IRAK3: variants seen among roughly 807,000 people sequenced by gnomAD.
IRAK3 encodes the protein interleukin-1 receptor-associated kinase 3.
Under a neutral mutation model 56.6 loss-of-function variants are expected in IRAK3, and 57 were observed. The observed-to-expected ratio is 1.01, with a 90% confidence interval of 0.81 to 1.26. The LOEUF (loss-of-function observed/expected upper bound fraction) is 1.26, where lower values mean the gene tolerates loss of function less well. Ranked by LOEUF, IRAK3 falls within the 50% of genes most tolerant of loss-of-function variation. IRAK3 has a pLI of 0.00. For missense variants in IRAK3, 703 were observed against 719.0 expected (o/e 0.98, Z 0.25); for synonymous variants, 258 against 255.7 (o/e 1.01, Z -0.09).
intron 1 of IRAK3, among the ~76,000 whole-genome samples, chr12:66,199,854 T>A (rs2052490150): frequency 6.6e-6 from 1 of 152,228 alleles, no homozygotes; most frequent in Non-Finnish European, 1.5e-5. Flanking sequence ...CATATTTGGC[T>A]AATATTTTTG....
At chr12:66,195,010 A>G (rs1243231810) in intron 1 of IRAK3, among the ~76,000 whole-genome samples, 1 of 152,134 alleles carries the variant, frequency 6.6e-6, no homozygotes, top group Non-Finnish European at 1.5e-5. Context: ...TCCCTCTGGA[A>G]TGTCATCTTC....
rs569513083 is a variant in IRAK3, at chr12:66,251,017, T to A, written c.*2846T>A. The A allele has an allele frequency of 1.4e-4, 22 of 152,352 alleles. No individual in the cohort carries two copies. Among genetic ancestry groups the A allele is most frequent in the African/African-American group, 5.3e-4 (22 of 41,588 alleles). The allele number at this position is 152,352 out of a possible 1,614,324, so 9.4% of individuals were successfully genotyped here. On this transcript the variant is annotated 3_prime_UTR_variant, in exon 12 of 12. Transcript: ENST00000261233. ...ACCTTTCCATCACTGGTATGTTTTT[T>A]GAGAAAAGGATCCTTTCTTTTCATT...
chr12:66,222,342 A>G (rs1021887855), intron 6 of IRAK3, among the ~76,000 whole-genome samples: 1 of 149,956 alleles, frequency 6.7e-6, no homozygotes, highest in Non-Finnish European at 1.5e-5. Flanking sequence ...TATTTAATCA[A>G]TCTCCTTGGT....
Position 66,247,787 on chromosome 12 carries a change from A to C in IRAK3, c.1407A>C (p.Leu469=). ...AGTCCTTCAGGTGTCCTTCTCCTCT[A>C]TTCCTGGAGAATGTACCAAGTATTC... is the stretch of plus-strand genomic sequence containing the variant. ...SLKSFRCPSP[L]FLENVPSIPV... The change falls in exon 12 of 12, where the codon CTA becomes CTC. Residue 469 remains leucine, a synonymous_variant. Transcript: ENST00000261233. The C allele has an allele frequency of 6.2e-7, 1 of 1,614,150 alleles. No homozygotes were observed.
chr12:66,226,962 T>C, intron 7 of IRAK3, 125 bp downstream of exon 7: 1 of 709,992 alleles, frequency 1.4e-6, no homozygotes, highest in Admixed American at 2.0e-5. Flanking sequence ...AAGAATGGGT[T>C]TCCCAAGGAA....
intron 7 of IRAK3, among the ~76,000 whole-genome samples, chr12:66,227,321 A>G (rs1324251610): frequency 2.2e-4 from 34 of 152,162 alleles, no homozygotes; most frequent in Non-Finnish European, 5.9e-5. Flanking sequence ...GGCTGGGCGC[A>G]GTGGCTCACG....
intron 5 of IRAK3, 151 bp from the exon 6 acceptor site, chr12:66,217,020 G>A: frequency 1.4e-6 from 1 of 693,792 alleles, no homozygotes; most frequent in Non-Finnish European, 2.6e-6. Flanking sequence ...TTGAAAATCT[G>A]TTGAAAGCTA....
intron 2 of IRAK3, among the ~76,000 whole-genome samples, chr12:66,206,544 A>G (rs2052559845): frequency 6.6e-6 from 1 of 152,184 alleles, no homozygotes; most frequent in Non-Finnish European, 1.5e-5. Flanking sequence ...TCAGATATTA[A>G]ACAAATCTTG....
intron 6 of IRAK3, among the ~76,000 whole-genome samples, chr12:66,222,006 G>A (rs2052738964): frequency 6.6e-6 from 1 of 152,158 alleles, no homozygotes; most frequent in Non-Finnish European, 1.5e-5. Flanking sequence ...TCTAGCCTGG[G>A]CAACAGAGCA....
intron 6 of IRAK3, among the ~76,000 whole-genome samples, chr12:66,220,408 G>A (rs1250695922): frequency 6.7e-6 from 1 of 148,442 alleles, no homozygotes; most frequent in African/African-American, 2.5e-5. Context: ...CTATTCCATT[G>A]GTCAATGAGT....
At chr12:66,239,092 C>T (rs1336311633) in intron 8 of IRAK3, among the ~76,000 whole-genome samples, 1 of 152,124 alleles carries the variant, frequency 6.6e-6, no homozygotes, top group East Asian at 1.9e-4. Context: ...TGCATTTTAT[C>T]CTTAGCATTT....
chr12:66,235,217 T>C, intron 8 of IRAK3: 2 of 1,611,918 alleles, frequency 1.2e-6, no homozygotes, highest in Admixed American at 1.7e-5. Flanking sequence ...GACCAGAGAC[T>C]GCTGCTTGCG....
intron 8 of IRAK3, among the ~76,000 whole-genome samples, chr12:66,233,127 A>G (rs866946046): frequency 4.6e-5 from 7 of 152,292 alleles, no homozygotes; most frequent in Middle Eastern, 3.4e-3. Flanking sequence ...ATTCTACATC[A>G]TTAGTTTGAA....
At chr12:66,206,183 C>T (rs970223823) in intron 2 of IRAK3, among the ~76,000 whole-genome samples, 1 of 152,110 alleles carries the variant, frequency 6.6e-6, no homozygotes, top group Non-Finnish European at 1.5e-5. Context: ...CCATACAGCC[C>T]CCAGATTTCA....
rs573356220 is a variant in IRAK3, at chr12:66,218,586, C to T, written c.653+1351C>T. Among the ~76,000 whole-genome samples, 97 of 152,182 alleles carry T rather than the reference C, an allele frequency of 6.4e-4. 1 individual carries two copies. The highest frequency in any genetic ancestry group is 1.1e-3 in the Non-Finnish European group (76 of 67,988). On this transcript the variant is annotated intron_variant, in intron 6 of 11. Coordinates refer to ENST00000261233, the MANE Select transcript of IRAK3 (RefSeq NM_007199.3). ...GTATTTATTCTTACCTCTTAATTTT[C>T]GCCAATCTGATAGGTGAAAATAGTT...
chr12:66,242,289 C>T (rs2052978360), intron 8 of IRAK3, among the ~76,000 whole-genome samples: 1 of 152,146 alleles, frequency 6.6e-6, no homozygotes, highest in Non-Finnish European at 1.5e-5. Flanking sequence ...ATTCAAATGC[C>T]CCCAGGACTC....
In IRAK3 at chr12:66,226,756, A is replaced by G. The variant is rs371500108; in HGVS notation, c.687A>G (p.Ala229=). 3.1e-6 allele frequency: 5 copies of G among 1,610,436 alleles called. No homozygotes were observed. The African/African-American group carries it at 5.3e-5, about 17-fold the overall frequency. The change falls in exon 7 of 12, where the codon GCA becomes GCG. Residue 229 remains alanine, a synonymous_variant. Coordinates refer to ENST00000261233, the MANE Select transcript of IRAK3 (RefSeq NM_007199.3). ...FHHPNILELA[A]YFTETEKFCL... is the part of the protein sequence containing the mutation. Reference sequence around the variant, plus strand: ...ACCCAAACATACTAGAGTTGGCTGCATATTTTACAGAGACTGAGAAGTTCT... The same window carrying G: ...ACCCAAACATACTAGAGTTGGCTGCGTATTTTACAGAGACTGAGAAGTTCT...
chr12:66,231,795 A>T (rs1176862504), intron 8 of IRAK3, among the ~76,000 whole-genome samples: 1 of 152,234 alleles, frequency 6.6e-6, no homozygotes, highest in Non-Finnish European at 1.5e-5. Context: ...AGGTGAGACT[A>T]CAGAAGAATG....
rs558546279 is a variant in IRAK3 at position 66,253,382 on chromosome 12, G to A, written c.*5211G>A. 3.2e-4 allele frequency: 48 copies of A among 152,306 alleles called. No individual in the cohort carries two copies. The highest frequency in any genetic ancestry group is 1.2e-3 in the African/African-American group (48 of 41,558). The allele number at this position is 152,306 out of a possible 1,614,324, so 9.4% of individuals were successfully genotyped here. On this transcript the variant is annotated 3_prime_UTR_variant, in exon 12 of 12. Transcript: ENST00000261233. Reference sequence around the variant, plus strand: ...ACCATGTCTAAGCAATGAAAAACCAGTGTTCTGGCAGGAAATAAACTGATG... The same window carrying A: ...ACCATGTCTAAGCAATGAAAAACCAATGTTCTGGCAGGAAATAAACTGATG...
Sources: gnomAD v4.1 joint callset for allele counts (sites outside exome capture counted in the v4.1 genomes callset) on GRCh38, gnomAD v4.1.1 for gene constraint, MANE v1.5 for transcripts, NCBI Gene and HGNC (gene_info 2026-07-23, HGNC 2026-07-21) for gene names.